The following CTIF variants were observed in gnomAD, a reference collection of about 807,000 sequenced individuals.
CTIF encodes CBP80/20-dependent translation initiation factor.
CTIF carries 21 observed loss-of-function variants against 66.0 expected under a neutral mutation model. The ratio of observed to expected loss-of-function variants is 0.32; its 90% confidence interval spans 0.23 to 0.46. The LOEUF (loss-of-function observed/expected upper bound fraction) is 0.46, where lower values mean the gene tolerates loss of function less well. CTIF is among the 20% of genes least tolerant of loss of function. The pLI is 1.00. For synonymous variants in CTIF, 345 were observed against 326.4 expected (o/e 1.06, Z -0.62); for missense variants, 739 against 812.7 (o/e 0.91, Z 1.10).
intron 3 of CTIF, among the ~76,000 whole-genome samples, chr18:48,646,946 T>C (rs1437181526): frequency 7.2e-6 from 1 of 138,248 alleles, no homozygotes; most frequent in South Asian, 2.4e-4. Context: ...AAGTACCATA[T>C]GATTTGATTG....
chr18:48,596,984 G>A (rs985394101), intron 1 of CTIF, among the ~76,000 whole-genome samples: 2 of 152,186 alleles, frequency 1.3e-5, no homozygotes, highest in Non-Finnish European at 2.9e-5. Flanking sequence ...CAACCTGAAG[G>A]TGTAAAGCCA....
At chr18:48,754,075 C>T (rs976186908) in intron 7 of CTIF, among the ~76,000 whole-genome samples, 2 of 152,252 alleles carry the variant, frequency 1.3e-5, no homozygotes, top group Non-Finnish European at 2.9e-5. Context: ...CGAGGCCTAA[C>T]TCCAAGTCTG....
At chr18:48,853,779 C>T (rs1290517231) in intron 10 of CTIF, among the ~76,000 whole-genome samples, 3 of 152,222 alleles carry the variant, frequency 2.0e-5, no homozygotes, top group African/African-American at 4.8e-5. Context: ...GCTCCTGCTG[C>T]GGGGCCCCTA....
chr18:48,850,337 C>G (rs1222453404), intron 10 of CTIF, among the ~76,000 whole-genome samples: 10 of 152,122 alleles, frequency 6.6e-5, no homozygotes, highest in African/African-American at 2.4e-4. Flanking sequence ...GTCCAAGTCA[C>G]TGTTCAAGAT....
intron 3 of CTIF, among the ~76,000 whole-genome samples, chr18:48,643,188 C>A (rs1285530704): frequency 1.3e-5 from 2 of 152,304 alleles, no homozygotes; most frequent in East Asian, 3.9e-4. Context: ...GCTTAGCTCT[C>A]TGAAGATTTG....
chr18:48,781,490 G>A (rs1019251521), intron 9 of CTIF, among the ~76,000 whole-genome samples: 1 of 152,244 alleles, frequency 6.6e-6, no homozygotes, highest in African/African-American at 2.4e-5. Context: ...ACGGGCTGGA[G>A]AGGAGAGATA....
At chr18:48,796,550 C>G (rs573391661) in intron 9 of CTIF, among the ~76,000 whole-genome samples, 1 of 152,156 alleles carries the variant, frequency 6.6e-6, no homozygotes, top group South Asian at 2.1e-4. Context: ...GCCTGTGTGC[C>G]GACAAAGGGA....
intron 10 of CTIF, among the ~76,000 whole-genome samples, chr18:48,849,557 A>G (rs1476917502): frequency 1.4e-5 from 2 of 145,532 alleles, no homozygotes; most frequent in African/African-American, 2.5e-5. Context: ...TACATATAAC[A>G]TTATGTAAAG....
rs567557458 is a variant in CTIF, at chr18:48,677,711, G to A, written c.507+6967G>A. 1.8e-4 allele frequency among the ~76,000 whole-genome samples: 27 copies of A among 152,198 alleles called. No homozygotes were observed. In the South Asian group the frequency reaches 4.2e-3, roughly 23 times the overall value. On this transcript the variant is annotated intron_variant, in intron 6 of 11. Coordinates refer to ENST00000256413, the MANE Select transcript of CTIF (RefSeq NM_014772.3). ...TCGATTCTTCCCTGCAGCGCCTGTC[G>A]CATGTTTGCTTTATTTCTTTTGCGT...
rs944374969 is a variant in CTIF, at chr18:48,761,546, C to T, written c.1228C>T (p.Leu410=). ...GAACTCCACCAACTCCGAGGAGATG[C>T]TGGGCGAGATCGTGCGCACAATCTA... The part of the protein sequence containing the change: ...AQNSTNSEEM[L]GEIVRTIYQK... Residue 410 remains leucine (L), a synonymous_variant, in exon 9 of 12, where the codon CTG becomes TTG. Coordinates refer to ENST00000256413, the MANE Select transcript of CTIF (RefSeq NM_014772.3). The surrounding 1 kb of genome is among the most constrained non-coding windows in gnomAD (Gnocchi z 4.2). 35 of 1,614,110 alleles carry T rather than the reference C, an allele frequency of 2.2e-5. No homozygotes were observed. In the Middle Eastern group the frequency reaches 4.9e-4, roughly 23 times the overall value.
intron 7 of CTIF, among the ~76,000 whole-genome samples, chr18:48,733,932 C>T (rs1376640610): frequency 6.6e-6 from 1 of 152,252 alleles, no homozygotes; most frequent in African/African-American, 2.4e-5. Context: ...ATGCTCGGAG[C>T]ATTTCAGCAG....
chr18:48,540,720 G>A (rs1185369717), intron 1 of CTIF, among the ~76,000 whole-genome samples: 1 of 152,118 alleles, frequency 6.6e-6, no homozygotes, highest in Non-Finnish European at 1.5e-5. Flanking sequence ...TGTACACACG[G>A]CTCCGGTGTG....
At chr18:48,576,712 G>A (rs1176150553) in intron 1 of CTIF, among the ~76,000 whole-genome samples, 2 of 152,182 alleles carry the variant, frequency 1.3e-5, no homozygotes, top group Non-Finnish European at 2.9e-5. Flanking sequence ...ATGACACTAA[G>A]AAAGCAGAGA....
At chr18:48,592,174 C>T (rs539226804) in intron 1 of CTIF, among the ~76,000 whole-genome samples, 3 of 152,228 alleles carry the variant, frequency 2.0e-5, no homozygotes, top group African/African-American at 7.2e-5. Flanking sequence ...CTCTAGCTGC[C>T]GAGAGACCCC....
chr18:48,661,946 G>T (rs967840620), intron 3 of CTIF: 3 of 152,274 alleles, frequency 2.0e-5, no homozygotes, highest in Non-Finnish European at 2.9e-5. Context: ...GGAGCACTGA[G>T]CTTCCAGCTC....
At chr18:48,749,154 CA>C (rs1357858948) in intron 7 of CTIF, among the ~76,000 whole-genome samples, 1 of 152,176 alleles carries the variant, frequency 6.6e-6, no homozygotes, top group African/African-American at 2.4e-5. Context: ...TTAAAACAGG[CA>C]AGGAAAGAGT....
intron 1 of CTIF, among the ~76,000 whole-genome samples, chr18:48,616,064 C>G (rs1392941089): frequency 2.0e-5 from 3 of 152,194 alleles, no homozygotes; most frequent in African/African-American, 7.2e-5. Flanking sequence ...GGGAGAGCCC[C>G]GCAGAGCCGG....
intron 9 of CTIF, among the ~76,000 whole-genome samples, chr18:48,814,164 T>G (rs2068315141): frequency 6.6e-6 from 1 of 152,242 alleles, no homozygotes; most frequent in East Asian, 1.9e-4. Flanking sequence ...TGTTCTTTGA[T>G]GTGTGCCTTC....
At chr18:48,798,261 C>T (rs970346903) in intron 9 of CTIF, among the ~76,000 whole-genome samples, 2 of 152,142 alleles carry the variant, frequency 1.3e-5, no homozygotes, top group Non-Finnish European at 2.9e-5. Context: ...CATGCTAAGC[C>T]GCTCACATTT....
Sources: allele counts gnomAD v4.1 joint callset (sites outside exome capture counted in the v4.1 genomes callset), GRCh38; gene constraint gnomAD v4.1.1; non-coding constraint Gnocchi (gnomAD v3.1); transcripts MANE v1.5; gene names NCBI Gene and HGNC (gene_info 2026-07-23, HGNC 2026-07-21).